TMEM182: variants seen among roughly 807,000 people sequenced by gnomAD.
TMEM182 encodes the protein transmembrane protein 182.
Under a neutral mutation model 26.8 loss-of-function variants are expected in TMEM182, and 20 were observed. The observed-to-expected ratio is 0.75, with a 90% confidence interval of 0.53 to 1.09. The LOEUF (loss-of-function observed/expected upper bound fraction) is 1.09, where lower values mean the gene tolerates loss of function less well. Ranked by LOEUF, TMEM182 falls within the 50% of genes least tolerant of loss-of-function variation. The pLI is 0.00. For missense variants in TMEM182, 277 were observed against 275.5 expected (o/e 1.01, Z -0.04); for synonymous variants, 109 against 102.2 (o/e 1.07, Z -0.40).
chr2:102,748,408 A>T (rs1158341878), intron 1 of TMEM182, among the ~76,000 whole-genome samples: 1 of 152,218 alleles, frequency 6.6e-6, no homozygotes, highest in African/African-American at 2.4e-5. Flanking sequence ...TCAATTTGAT[A>T]AAGCGTATGT....
chr2:102,821,509 T>A (rs1682915145), downstream of TMEM182, among the ~76,000 whole-genome samples: 2 of 152,180 alleles, frequency 1.3e-5, no homozygotes, highest in Non-Finnish European at 2.9e-5. Flanking sequence ...GAGTAAAAGT[T>A]CCCTGAGTTC....
intron 3 of TMEM182, among the ~76,000 whole-genome samples, chr2:102,794,782 G>T (rs1006163909): frequency 6.6e-6 from 1 of 152,032 alleles, no homozygotes; most frequent in African/African-American, 2.4e-5. Flanking sequence ...CTAATTTATA[G>T]GAGTTTATTC....
chr2:102,837,051 C>CTG (rs1253784754), intron 3 of TMEM182, among the ~76,000 whole-genome samples: 1 of 152,178 alleles, frequency 6.6e-6, no homozygotes, highest in Non-Finnish European at 1.5e-5. Flanking sequence ...GATGAGAGGT[C>CTG]TGTGTTATTA....
rs144469891 is a variant in TMEM182, at chr2:102,825,688, T to A, written c.326-17724T>A. Among the ~76,000 whole-genome samples, 19 of 152,338 alleles carry A rather than the reference T, an allele frequency of 1.2e-4. No homozygotes were observed. In the East Asian group the frequency reaches 3.5e-3, roughly 28 times the overall value. Reference sequence around the variant, plus strand: ...ATCCTGTAAGAACAATAAAATGTGCTCCCTAAATTGCCACTGAATGAAAGT... The same window carrying A: ...ATCCTGTAAGAACAATAAAATGTGCACCCTAAATTGCCACTGAATGAAAGT... On this transcript the variant is annotated intron_variant, in intron 3 of 3. Transcript: ENST00000486293.
intron 3 of TMEM182, among the ~76,000 whole-genome samples, chr2:102,766,168 A>G (rs1680424400): frequency 6.6e-6 from 1 of 152,236 alleles, no homozygotes; most frequent in African/African-American, 2.4e-5. Flanking sequence ...ATATTTAAAA[A>G]TGATCCCATA....
chr2:102,821,791 A>C (rs909646963), downstream of TMEM182, among the ~76,000 whole-genome samples: 2 of 152,002 alleles, frequency 1.3e-5, no homozygotes, highest in African/African-American at 2.4e-5. Context: ...GATCGAGACC[A>C]CCCTGGCTAA....
At chr2:102,839,744 G>T (rs1330380508) in intron 3 of TMEM182, among the ~76,000 whole-genome samples, 1 of 152,088 alleles carries the variant, frequency 6.6e-6, no homozygotes, top group African/African-American at 2.4e-5. Flanking sequence ...TGTGAGAAGA[G>T]TGCAGAAATA....
chr2:102,820,310 C>A (rs1048451152), downstream of TMEM182, among the ~76,000 whole-genome samples: 1 of 152,164 alleles, frequency 6.6e-6, no homozygotes, highest in African/African-American at 2.4e-5. Flanking sequence ...ATTCAACAAA[C>A]AGTAATTGCA....
chr2:102,839,471 A>ATATATATAT (rs1553446276), intron 3 of TMEM182, among the ~76,000 whole-genome samples: 7 of 134,864 alleles, frequency 5.2e-5, no homozygotes, highest in African/African-American at 2.0e-4. Flanking sequence ...ATATATATAT[A>ATATATATAT]ATATATACAC....
At chr2:102,792,843 T>C (rs1681705668) in intron 3 of TMEM182, among the ~76,000 whole-genome samples, 1 of 152,140 alleles carries the variant, frequency 6.6e-6, no homozygotes, top group Non-Finnish European at 1.5e-5. Context: ...AAAGCTGGGC[T>C]CCTTTGCTAG....
At chr2:102,839,471 A>ATATATAAT (rs1553446276) in intron 3 of TMEM182, among the ~76,000 whole-genome samples, 9 of 134,878 alleles carry the variant, frequency 6.7e-5, no homozygotes, top group African/African-American at 2.2e-4. Context: ...ATATATATAT[A>ATATATAAT]ATATATACAC....
intron 3 of TMEM182, among the ~76,000 whole-genome samples, chr2:102,765,980 T>C (rs1177122175): frequency 6.6e-6 from 1 of 152,182 alleles, no homozygotes; most frequent in African/African-American, 2.4e-5. Context: ...AGAAACTCTT[T>C]TGTTTTACAG....
Position 102,815,836 on chromosome 2 carries a change from T to C in TMEM182, c.*868T>C. 2 of 907,236 alleles carry C rather than the reference T, an allele frequency of 2.2e-6. No homozygotes were observed. The highest frequency in any genetic ancestry group is 2.6e-6 in the Non-Finnish European group (2 of 759,148). The allele number at this position is 907,236 out of a possible 1,614,324, so 56.2% of individuals were successfully genotyped here. A position where few individuals can be genotyped will look rare whatever the true frequency, so the allele number is the denominator to read the frequency against. On this transcript the variant is annotated 3_prime_UTR_variant, in exon 5 of 5. Transcript: ENST00000412401. The stretch of plus-strand genomic sequence containing the variant: ...TATCATTCAGCATGTGAAAATTTAT[T>C]GATAAAATGTGATTTTAATATTTTT...
downstream of TMEM182, among the ~76,000 whole-genome samples, chr2:102,818,227 T>C (rs1322327002): frequency 6.6e-6 from 1 of 152,162 alleles, no homozygotes; most frequent in East Asian, 1.9e-4. Context: ...TTATTGATTG[T>C]ATGAAGGAGT....
chr2:102,815,465 A>C lies in TMEM182; in HGVS notation c.*497A>C. ...GCTCTTGTGAGCAAATGAATTTAAA[A>C]ATAGACAGCAGTTGTTCTAATTAGT... On this transcript the variant is annotated 3_prime_UTR_variant, in exon 5 of 5. Coordinates refer to ENST00000412401, the MANE Select transcript of TMEM182 (RefSeq NM_144632.5). The C allele has an allele frequency of 2.0e-6, 2 of 988,478 alleles. No homozygotes were observed. The highest frequency in any genetic ancestry group is 9.3e-5 in the South Asian group (2 of 21,452). The allele number at this position is 988,478 out of a possible 1,614,324, so 61.2% of individuals were successfully genotyped here.
chr2:102,786,740 T>C (rs1681411029), intron 3 of TMEM182, among the ~76,000 whole-genome samples: 1 of 152,160 alleles, frequency 6.6e-6, no homozygotes. Context: ...ACAGGGGGTA[T>C]TGAGTGGTAA....
chr2:102,811,058 C>CAAAAAAA (rs10629082), intron 4 of TMEM182, among the ~76,000 whole-genome samples: 7 of 94,462 alleles, frequency 7.4e-5, no homozygotes, highest in African/African-American at 2.5e-4. Context: ...TCCTCTATAG[C>CAAAAAAA]AAAAAAAAAA....
rs572801283 is a variant in TMEM182, at chr2:102,816,974, T to A, written c.*2006T>A. 6 of 985,822 alleles carry A rather than the reference T, an allele frequency of 6.1e-6. No individual in the cohort carries two copies. The South Asian group carries it at 1.9e-4, about 31-fold the overall frequency. 61.1% of individuals were successfully genotyped at this position (985,822 alleles called of 1,614,324 possible). ...CTACCATATATTTTTTATATGACAA[T>A]TGGCTGAATAGCTGATGTGTATGAC... is the stretch of plus-strand genomic sequence containing the variant. On this transcript the variant is annotated 3_prime_UTR_variant, in exon 5 of 5. Transcript: ENST00000412401.
downstream of TMEM182, among the ~76,000 whole-genome samples, chr2:102,820,677 G>T (rs1028268168): frequency 4.6e-5 from 7 of 152,216 alleles, no homozygotes; most frequent in African/African-American, 1.2e-4. Flanking sequence ...AAATGGAAAA[G>T]AACTTGACAT....
Sources: gnomAD v4.1 joint callset for allele counts (sites outside exome capture counted in the v4.1 genomes callset) on GRCh38, gnomAD v4.1.1 for gene constraint, MANE v1.5 for transcripts, NCBI Gene and HGNC (gene_info 2026-07-23, HGNC 2026-07-21) for gene names.